MAGI2: variants seen among roughly 807,000 people sequenced by gnomAD.
The protein encoded by MAGI2 is membrane-associated guanylate kinase, WW and PDZ domain-containing protein 2.
Under a neutral mutation model 133.3 loss-of-function variants are expected in MAGI2, and 35 were observed. The ratio of observed to expected loss-of-function variants is 0.26; its 90% CI spans 0.20 to 0.35. The LOEUF is 0.35. Ranked by LOEUF, MAGI2 falls within the 10% of genes least tolerant of loss-of-function variation. MAGI2 has a pLI of 1.00. For missense variants in MAGI2, 1,636 were observed against 1,863.4 expected, an observed-to-expected ratio of 0.88 and a Z score of 2.25; for synonymous variants, 729 against 710.6, an observed-to-expected ratio of 1.03 and a Z score of -0.41.
intron 5 of MAGI2, among the ~76,000 whole-genome samples, chr7:78,500,018 T>A (rs187436003): frequency 6.6e-6 from 1 of 152,220 alleles, no homozygotes; most frequent in Non-Finnish European, 1.5e-5. Flanking sequence ...TAAGAAATAA[T>A]GTAAGAGATT....
At chr7:78,706,139 T>C (rs1344800527) in intron 2 of MAGI2, among the ~76,000 whole-genome samples, 3 of 149,800 alleles carry the variant, frequency 2.0e-5, no homozygotes, top group African/African-American at 7.3e-5. Context: ...TGATATGGTT[T>C]GGCTGTGTCC....
intron 2 of MAGI2, among the ~76,000 whole-genome samples, chr7:78,820,952 C>A (rs1029711540): frequency 6.6e-6 from 1 of 151,862 alleles, no homozygotes; most frequent in Admixed American, 6.6e-5. Context: ...TGGGATACAA[C>A]ATGTCATTTA....
intron 1 of MAGI2, chr7:79,125,205 T>C (rs1820298203): frequency 1.1e-5 from 4 of 376,676 alleles, no homozygotes; most frequent in Non-Finnish European, 2.1e-5. Context: ...ATGGTGATTC[T>C]GTGGATAAGA....
rs1340701492 is a variant in MAGI2, at chr7:79,416,112, A to C, written c.301+36908T>G. On this transcript the variant is annotated intron_variant, in intron 1 of 21. Coordinates refer to ENST00000354212, the MANE Select transcript of MAGI2 (RefSeq NM_012301.4). Reference sequence around the variant, plus strand: ...AAGGGGTAACAATGAGAAAGAATCAAGTTGCTAAGTGTTTATATCCTACTG... The same window carrying C: ...AAGGGGTAACAATGAGAAAGAATCACGTTGCTAAGTGTTTATATCCTACTG... 2.0e-5 allele frequency among the ~76,000 whole-genome samples: 3 copies of C among 152,144 alleles called. No individual in the cohort carries two copies. In the East Asian group the frequency reaches 5.8e-4, roughly 29 times the overall value.
At chr7:78,050,810 A>C (rs1811929021) in intron 21 of MAGI2, among the ~76,000 whole-genome samples, 1 of 152,212 alleles carries the variant, frequency 6.6e-6, no homozygotes, top group Non-Finnish European at 1.5e-5. Context: ...TTAATGAAAC[A>C]GCACATATTT....
chr7:78,045,936 C>G (rs921185527), intron 21 of MAGI2, among the ~76,000 whole-genome samples: 2 of 152,156 alleles, frequency 1.3e-5, no homozygotes, highest in African/African-American at 4.8e-5. Context: ...CATTCAGTGG[C>G]CTTGCATCCT....
At chr7:79,020,499 G>T (rs1311015311) in intron 1 of MAGI2, among the ~76,000 whole-genome samples, 3 of 152,154 alleles carry the variant, frequency 2.0e-5, no homozygotes, top group Non-Finnish European at 4.4e-5. Context: ...AGGCGCGGTG[G>T]CTGATGCCTG....
rs1305585426 is a variant in MAGI2, at chr7:79,077,591, AAAAATAAATAAAT to A, written c.302-70398_302-70386del. Among the ~76,000 whole-genome samples, 291 of 135,744 alleles carry A rather than the reference AAAAATAAATAAAT, an allele frequency of 2.1e-3. 30 individuals carry two copies. Among genetic ancestry groups the A allele is most frequent in the Non-Finnish European group, 3.8e-3 (243 of 63,746 alleles). 89.1% of individuals were successfully genotyped at this position (135,744 alleles called of 152,430 possible). A position where few individuals can be genotyped will look rare whatever the true frequency, so the allele number is the denominator to read the frequency against. On this transcript the variant is annotated intron_variant, in intron 1 of 21. Coordinates refer to ENST00000354212, the MANE Select transcript of MAGI2 (RefSeq NM_012301.4). ...CTGCCTCTCAAAAAAAAAAAAAAAAAAAAATAAATAAATAAATAAATTCCCTTTTGCTTAACTA... is the reference window on the plus strand; with the variant it reads ...CTGCCTCTCAAAAAAAAAAAAAAAAAAAATAAATTCCCTTTTGCTTAACTA...
intron 11 of MAGI2, 143 bp downstream of exon 11, chr7:78,201,019 A>G (rs1829203644): frequency 1.7e-6 from 1 of 582,182 alleles, no homozygotes; most frequent in Non-Finnish European, 3.0e-6. Flanking sequence ...ATACAAGACA[A>G]AAGGACACAG....
At chr7:78,302,676 G>A (rs1797931453) in intron 9 of MAGI2, among the ~76,000 whole-genome samples, 1 of 152,148 alleles carries the variant, frequency 6.6e-6, no homozygotes, top group Non-Finnish European at 1.5e-5. Flanking sequence ...TGGTGCTGAG[G>A]CCCTAGACAT....
At chr7:79,296,374 T>C (rs1056352886) in intron 1 of MAGI2, among the ~76,000 whole-genome samples, 7 of 152,192 alleles carry the variant, frequency 4.6e-5, no homozygotes, top group African/African-American at 1.7e-4. Context: ...GTTGAAAAGA[T>C]CTCTGCACTC....
intron 1 of MAGI2, among the ~76,000 whole-genome samples, chr7:79,326,039 T>G (rs1534495): frequency 1 from 151,985 of 152,250 alleles, 75,863 homozygotes; most frequent in Middle Eastern, 1. Flanking sequence ...AATAAGAAAT[T>G]ACCAAATGCA....
chr7:78,744,111 A>AT (rs994118811), intron 2 of MAGI2, among the ~76,000 whole-genome samples: 36 of 152,238 alleles, frequency 2.4e-4, no homozygotes, highest in South Asian at 1.0e-3. Flanking sequence ...TTATGTATGT[A>AT]TTTTTTTAAC....
At chr7:78,233,698 A>G (rs1416313213) in intron 10 of MAGI2, among the ~76,000 whole-genome samples, 2 of 152,142 alleles carry the variant, frequency 1.3e-5, no homozygotes, top group Non-Finnish European at 2.9e-5. Flanking sequence ...GGCTAAAGGT[A>G]AGGTGCCTGA....
chr7:78,239,879 A>G (rs1397765150), intron 10 of MAGI2, among the ~76,000 whole-genome samples: 3 of 152,256 alleles, frequency 2.0e-5, no homozygotes, highest in African/African-American at 7.2e-5. Flanking sequence ...ATAGATCTAT[A>G]TGATCAGTAA....
At chr7:78,636,474 T>C (rs1391819421) in intron 2 of MAGI2, among the ~76,000 whole-genome samples, 1 of 151,526 alleles carries the variant, frequency 6.6e-6, no homozygotes, top group African/African-American at 2.4e-5. Flanking sequence ...TGAGGAAGCA[T>C]CGGACCCAAA....
At chr7:78,521,722 A>G in intron 3 of MAGI2, 77 bp from the exon 4 acceptor site, 2 of 1,200,726 alleles carry the variant, frequency 1.7e-6, no homozygotes, top group Non-Finnish European at 2.4e-6. Flanking sequence ...AATGGAAATT[A>G]TATTAACACA....
intron 3 of MAGI2, among the ~76,000 whole-genome samples, chr7:78,583,745 CTTGA>C (rs932096908): frequency 2.6e-5 from 4 of 152,026 alleles, no homozygotes; most frequent in African/African-American, 9.7e-5. Flanking sequence ...AGACCTGTTG[CTTGA>C]TTGATTTATA....
rs190853420 is a variant in MAGI2 at position 79,082,488 on chromosome 7, C to T, written c.302-75282G>A. ...TTGTTGAGAAGGTTATTCATTTCCCCATTGAATTATCTTGGCATTCTTGTC... is the reference window on the plus strand; with the variant it reads ...TTGTTGAGAAGGTTATTCATTTCCCTATTGAATTATCTTGGCATTCTTGTC... On this transcript the variant is annotated intron_variant, in intron 1 of 21. Coordinates refer to ENST00000354212, the MANE Select transcript of MAGI2 (RefSeq NM_012301.4). Among the ~76,000 whole-genome samples the T allele has an allele frequency of 3.9e-5, 6 of 152,116 alleles. No homozygotes were observed. The South Asian group carries it at 6.2e-4, about 16-fold the overall frequency.
Sources: gnomAD v4.1 joint callset for allele counts (sites outside exome capture counted in the v4.1 genomes callset) on GRCh38, gnomAD v4.1.1 for gene constraint, MANE v1.5 for transcripts, NCBI Gene and HGNC (gene_info 2026-07-23, HGNC 2026-07-21) for gene names.